Variants in CEP43 observed in about 807,000 individuals in gnomAD.
CEP43 encodes the protein FGFR1 oncogene partner.
Under a neutral mutation model 52.6 loss-of-function variants are expected in CEP43, and 36 were observed. That is an observed-to-expected ratio of 0.68 (90% CI 0.52 to 0.90). The LOEUF (loss-of-function observed/expected upper bound fraction) is 0.90, where lower values mean the gene tolerates loss of function less well. Ranked by LOEUF, CEP43 falls within the 40% of genes least tolerant of loss-of-function variation. CEP43 has a pLI of 0.00. For synonymous variants in CEP43, 192 were observed against 172.4 expected (o/e 1.11, Z -0.89); for missense variants, 506 against 472.8 (o/e 1.07, Z -0.65).
In CEP43 at chr6:167,024,782, G is replaced by GAGGA; in HGVS notation, c.813_816dup (p.Pro273GlyfsTer3). The GAGGA allele has an allele frequency of 6.2e-7, 1 of 1,610,036 alleles. No homozygotes were observed. The highest frequency in any genetic ancestry group is 8.5e-7 in the Non-Finnish European group (1 of 1,177,150). On this transcript the variant is annotated frameshift_variant and splice_region_variant, in exon 9 of 13. Coordinates refer to ENST00000366847, the MANE Select transcript of CEP43 (RefSeq NM_007045.4). LOFTEE classifies it high-confidence loss of function. ...ATTAACTGTCCTTGTTTCTTGTTAGGAGGAAGGAACCTAGGAAGCAAGCAG... is the reference window on the plus strand; with the variant it reads ...ATTAACTGTCCTTGTTTCTTGTTAGGAGGAAGGAAGGAACCTAGGAAGCAAGCAG...
intron 7 of CEP43, among the ~76,000 whole-genome samples, chr6:167,021,761 G>A (rs1780236913): frequency 6.6e-6 from 1 of 151,810 alleles, no homozygotes; most frequent in South Asian, 2.1e-4. Flanking sequence ...TCAAAATGAG[G>A]TATAGGTTAG....
rs1389670703 is a variant in CEP43, at chr6:167,028,858, CAAAT to C, written c.988+2250_988+2253del. Among the ~76,000 whole-genome samples the C allele has an allele frequency of 3.9e-5, 6 of 152,164 alleles. No homozygotes were observed. The East Asian group carries it at 7.7e-4, about 20-fold the overall frequency. ...CAATGGGAACATAAATTCTGAGTTC[CAAAT>C]AAATAATCTACAAATAAAGCTTTAG... On this transcript the variant is annotated intron_variant, in intron 10 of 12. Coordinates refer to ENST00000366847, the MANE Select transcript of CEP43 (RefSeq NM_007045.4).
chr6:167,032,624 A>C lies in CEP43; in HGVS notation c.1010A>C (p.Tyr337Ser). ...LGLGTGEDDD[Y>S]VDDFNSTSHR... is the part of the protein sequence containing the mutation. The stretch of plus-strand genomic sequence containing the variant: ...TCAGGAACTGGAGAAGATGATGACT[A>C]TGTTGATGATTTTAATAGGTAAGAA... The change falls in exon 11 of 13, where the codon TAT becomes TCT. Residue 337 changes from tyrosine to serine, a missense_variant. By Grantham distance (144) the Tyr-to-Ser change is moderately radical (BLOSUM62 -2). Transcript: ENST00000366847. 6.3e-7 allele frequency: 1 copy of C among 1,581,002 alleles called. No homozygotes were observed. Among genetic ancestry groups the C allele is most frequent in the East Asian group, 2.2e-5 (1 of 44,480 alleles).
chr6:167,006,860 A>G (rs1779866349), intron 5 of CEP43, among the ~76,000 whole-genome samples: 1 of 152,234 alleles, frequency 6.6e-6, no homozygotes, highest in South Asian at 2.1e-4. Context: ...AGCTCTTCAC[A>G]AAACATACCT....
At chr6:167,012,645 A>G (rs566388182) in intron 6 of CEP43, among the ~76,000 whole-genome samples, 1 of 152,304 alleles carries the variant, frequency 6.6e-6, no homozygotes, top group South Asian at 2.1e-4. Context: ...TATATAATGT[A>G]TGTCTTCAGG....
chr6:167,004,110 A>G (rs1779798574), intron 4 of CEP43, 154 bp from the exon 5 acceptor site: 7 of 800,562 alleles, frequency 8.7e-6, no homozygotes, highest in Non-Finnish European at 1.3e-5. Context: ...TGTAAAAGAA[A>G]TAGGCATAAT....
Position 167,012,361 on chromosome 6 carries a change from T to C in CEP43, c.520-1147T>C, listed in dbSNP as rs78389525. On this transcript the variant is annotated intron_variant, in intron 6 of 12. Coordinates refer to ENST00000366847, the MANE Select transcript of CEP43 (RefSeq NM_007045.4). ...CTAGTTGGTGTAGGGAAGGCCTTTT[T>C]TTAAAATTTTTTTTTTCCTAAATAC... 1.7e-3 allele frequency among the ~76,000 whole-genome samples: 253 copies of C among 152,000 alleles called. 7 individuals carry two copies. In the East Asian group the frequency reaches 0.038, roughly 23 times the overall value.
Position 167,037,912 on chromosome 6 carries a change from T to G in CEP43, c.1126-1992T>G, listed in dbSNP as rs952945292. Among the ~76,000 whole-genome samples, 4 of 152,138 alleles carry G rather than the reference T, an allele frequency of 2.6e-5. 1 individual carries two copies. The South Asian group carries it at 8.3e-4, about 32-fold the overall frequency. On this transcript the variant is annotated intron_variant, in intron 12 of 12. Transcript: ENST00000366847. ...GCCATAGACGATGCCTAAGAGTGTG[T>G]GTGTGGGTGTGGCTGTGACTGTCCC...
At chr6:167,016,523 A>G (rs1190302867) in intron 7 of CEP43, among the ~76,000 whole-genome samples, 2 of 152,214 alleles carry the variant, frequency 1.3e-5, no homozygotes, top group Admixed American at 6.5e-5. Flanking sequence ...CGGCCTCCCA[A>G]AGTGCTGGGA....
chr6:167,036,434 G>A (rs1780586335), intron 12 of CEP43: 1 of 985,272 alleles, frequency 1.0e-6, no homozygotes, highest in African/African-American at 1.7e-5. Context: ...CCCTGGGGAG[G>A]GTAGTCTCTG....
rs1231138051 is a variant in CEP43, at chr6:166,999,453, C to G, written c.41C>G (p.Thr14Arg). 4.0e-6 allele frequency: 6 copies of G among 1,483,370 alleles called. No individual in the cohort carries two copies. Among genetic ancestry groups the G allele is most frequent in the East Asian group, 3.0e-5 (1 of 33,742 alleles). The allele number at this position is 1,483,370 out of a possible 1,614,324, so 91.9% of individuals were successfully genotyped here. A position where few individuals can be genotyped will look rare whatever the true frequency, so the allele number is the denominator to read the frequency against. The change falls in exon 1 of 13, where the codon ACG (threonine) becomes AGG (arginine). Residue 14 changes from threonine to arginine, a missense_variant. Thr to Arg is a moderately conservative substitution (Grantham distance 71, BLOSUM62 -1). Coordinates refer to ENST00000366847, the MANE Select transcript of CEP43 (RefSeq NM_007045.4). ...GCCGCAGTGGTGGCCGAGGAGGACA[C>G]GGAGCTGCGGGACCTGCTGGTGCAG... ...TAAAVVAEED[T>R]ELRDLLVQTL...
intron 7 of CEP43, among the ~76,000 whole-genome samples, chr6:167,016,191 T>C (rs1341639907): frequency 2.0e-5 from 3 of 152,222 alleles, no homozygotes; most frequent in Non-Finnish European, 4.4e-5. Flanking sequence ...TATTTAGAAT[T>C]AGTTGCTCTT....
At chr6:167,028,741 T>C (rs1444824184) in intron 10 of CEP43, among the ~76,000 whole-genome samples, 1 of 152,230 alleles carries the variant, frequency 6.6e-6, no homozygotes, top group East Asian at 1.9e-4. Context: ...CCCAAGGTCA[T>C]GCTGCTTTTA....
chr6:167,052,098 A>G lies in CEP43; in HGVS notation c.*12120A>G, dbSNP rs1012193170. 2.6e-5 allele frequency: 4 copies of G among 152,102 alleles called. No individual in the cohort carries two copies. Among genetic ancestry groups the G allele is most frequent in the Non-Finnish European group, 5.9e-5 (4 of 68,030 alleles). 9.4% of individuals were successfully genotyped at this position (152,102 alleles called of 1,614,324 possible). A position where few individuals can be genotyped will look rare whatever the true frequency, so the allele number is the denominator to read the frequency against. ...TAACTATATTTTTACGTATTTCCTT[A>G]ATGAATGCTTGATGGCTCACAATCT... On this transcript the variant is annotated 3_prime_UTR_variant, in exon 13 of 13. Coordinates refer to ENST00000366847, the MANE Select transcript of CEP43 (RefSeq NM_007045.4).
At chr6:167,016,454 T>G (rs1040161310) in intron 7 of CEP43, among the ~76,000 whole-genome samples, 1 of 152,152 alleles carries the variant, frequency 6.6e-6, no homozygotes, top group Non-Finnish European at 1.5e-5. Context: ...GAGGCAGGGG[T>G]CTCACTATGG....
In CEP43 at chr6:167,045,363, C is replaced by G. The variant is rs950611091; in HGVS notation, c.*5385C>G. 2 of 150,350 alleles carry G rather than the reference C, an allele frequency of 1.3e-5. No individual in the cohort carries two copies. Among genetic ancestry groups the G allele is most frequent in the African/African-American group, 4.8e-5 (2 of 41,272 alleles). The allele number at this position is 150,350 out of a possible 1,614,324, so 9.3% of individuals were successfully genotyped here. A position where few individuals can be genotyped will look rare whatever the true frequency, so the allele number is the denominator to read the frequency against. On this transcript the variant is annotated 3_prime_UTR_variant, in exon 13 of 13. Coordinates refer to ENST00000366847, the MANE Select transcript of CEP43 (RefSeq NM_007045.4). The stretch of plus-strand genomic sequence containing the variant: ...TGGTGATCCGCACCCCTCCCCGCCC[C>G]CCCCGCGGCCCAGCCTCCCAAAGTG...
At chr6:167,038,684 TACTA>T (rs1780631525) in intron 12 of CEP43, among the ~76,000 whole-genome samples, 1 of 152,256 alleles carries the variant, frequency 6.6e-6, no homozygotes, top group South Asian at 2.1e-4. Flanking sequence ...CTAAAGATTG[TACTA>T]ACTTAGTAGA....
intron 12 of CEP43, chr6:167,036,111 A>G (rs1780580713): frequency 5.1e-6 from 5 of 985,424 alleles, no homozygotes; most frequent in African/African-American, 1.7e-5. Context: ...GTACACAAAC[A>G]TAGGAAAATC....
In CEP43 at chr6:167,004,715, A is replaced by G. The variant is rs1341725935; in HGVS notation, c.438+314A>G. Among the ~76,000 whole-genome samples, 5 of 113,600 alleles carry G rather than the reference A, an allele frequency of 4.4e-5. No homozygotes were observed. The East Asian group carries it at 1.4e-3, about 32-fold the overall frequency. 74.5% of individuals were successfully genotyped at this position (113,600 alleles called of 152,430 possible). ...TCCATTCATTCCATACTGTGTATGAAGTGGGCTCTACCAGGCCCTACCTTG... is the reference window on the plus strand; with the variant it reads ...TCCATTCATTCCATACTGTGTATGAGGTGGGCTCTACCAGGCCCTACCTTG... On this transcript the variant is annotated intron_variant, in intron 5 of 12. Coordinates refer to ENST00000366847, the MANE Select transcript of CEP43 (RefSeq NM_007045.4).
Sources: gnomAD v4.1 joint callset for allele counts (sites outside exome capture counted in the v4.1 genomes callset) on GRCh38, gnomAD v4.1.1 for gene constraint, MANE v1.5 for transcripts, NCBI Gene and HGNC (gene_info 2026-07-23, HGNC 2026-07-21) for gene names.